Variants in ADD2 observed in about 807,000 individuals in gnomAD.
ADD2 encodes the protein adducin 2.
A neutral mutation model predicts 83.0 loss-of-function variants in ADD2; 23 were observed. The ratio of observed to expected loss-of-function variants is 0.28; its 90% CI spans 0.20 to 0.39. The LOEUF (loss-of-function observed/expected upper bound fraction) is 0.39. Among genes scored for constraint, ADD2 ranks in the 10% least tolerant of loss-of-function variants. The pLI, the probability that ADD2 is intolerant of heterozygous loss-of-function variation, is 1.00. For synonymous variants in ADD2, 375 were observed against 375.4 expected, an observed-to-expected ratio of 1.00 and a Z score of 0.01; for missense variants, 758 against 944.9, an observed-to-expected ratio of 0.80 and a Z score of 2.59.
intron 1 of ADD2, among the ~76,000 whole-genome samples, chr2:70,724,826 C>T (rs1036541541): frequency 6.6e-6 from 1 of 152,206 alleles, no homozygotes; most frequent in East Asian, 1.9e-4. Flanking sequence ...CCAAACTTTA[C>T]ACAGTATTGG....
intron 4 of ADD2, among the ~76,000 whole-genome samples, chr2:70,697,938 T>C (rs1671394139): frequency 6.6e-6 from 1 of 152,148 alleles, no homozygotes; most frequent in South Asian, 2.1e-4. Context: ...CAAACACAGA[T>C]AGCAGGGACA....
At chr2:70,689,004 G>A (rs1481377305) in intron 8 of ADD2, among the ~76,000 whole-genome samples, 1 of 151,984 alleles carries the variant, frequency 6.6e-6, no homozygotes, top group South Asian at 2.1e-4. Context: ...ACTCGGGAGG[G>A]TGAGGTGGGA....
intron 1 of ADD2, among the ~76,000 whole-genome samples, chr2:70,719,857 C>A (rs564742122): frequency 6.6e-6 from 1 of 152,282 alleles, no homozygotes; most frequent in African/African-American, 2.4e-5. Context: ...TGATTCTGCT[C>A]TTTGGCCCAA....
rs11682965 is a variant in ADD2 at position 70,706,527 on chromosome 2, T to G, written c.-34-85A>C. On this transcript the variant is annotated intron_variant, in intron 2 of 15. Coordinates refer to ENST00000264436, the MANE Select transcript of ADD2 (RefSeq NM_001617.4). This position sits in a 1 kb window ranked among gnomAD's most constrained non-coding sequence, Gnocchi z 5.0. Reference sequence around the variant, plus strand: ...TCTCAGAGCACAGGGCTAGGTTCAGTTGGATTCTCAGTGGGGTACGGCTGT... The same window carrying G: ...TCTCAGAGCACAGGGCTAGGTTCAGGTGGATTCTCAGTGGGGTACGGCTGT... The G allele has an allele frequency of 9.4e-6, 12 of 1,272,374 alleles. No homozygotes were observed. In the African/African-American group the frequency reaches 1.6e-4, roughly 17 times the overall value. 78.8% of individuals were successfully genotyped at this position (1,272,374 alleles called of 1,614,324 possible).
In ADD2 at chr2:70,706,250, G is replaced by A. The variant is rs1553374388; in HGVS notation, c.159C>T (p.Arg53=). ...QDFNLMEQKK[R]VTMILQSPSF... ...CGGGACTCTGCAGGATCATGGTGAC[G>A]CGCTTCTTCTGCTCCATCAGGTTGA... Residue 53 remains arginine (R), a synonymous_variant, in exon 3 of 16, where the codon CGC becomes CGT. Transcript: ENST00000264436. The surrounding 1 kb of genome is among the most constrained non-coding windows in gnomAD (Gnocchi z 5.0). The A allele has an allele frequency of 6.2e-7, 1 of 1,614,028 alleles. No homozygotes were observed.
intron 1 of ADD2, among the ~76,000 whole-genome samples, chr2:70,729,999 C>T (rs1553378991): frequency 6.6e-6 from 1 of 152,192 alleles, no homozygotes; most frequent in Non-Finnish European, 1.5e-5. Context: ...CAGATGGTTT[C>T]TCAACTCTGC....
intron 10 of ADD2, among the ~76,000 whole-genome samples, chr2:70,682,355 G>C (rs575193796): frequency 1.7e-4 from 26 of 152,244 alleles, no homozygotes; most frequent in Admixed American, 1.6e-3. Context: ...GCTTTCTTTA[G>C]GCATAGATTA....
At chr2:70,715,586 C>T (rs537860145) in intron 1 of ADD2, among the ~76,000 whole-genome samples, 1 of 152,212 alleles carries the variant, frequency 6.6e-6, no homozygotes, top group Admixed American at 6.5e-5. Flanking sequence ...GGCTGTGAGG[C>T]GGCAGGAGTT....
intron 1 of ADD2, among the ~76,000 whole-genome samples, chr2:70,746,103 C>G (rs1674180184): frequency 1.3e-5 from 2 of 152,072 alleles, no homozygotes; most frequent in African/African-American, 4.8e-5. Context: ...AAATAAAATA[C>G]CTTTTGTGAT....
chr2:70,659,734 G>A lies in ADD2; in HGVS notation c.*3691C>T, dbSNP rs1232987393. The A allele has an allele frequency of 4.6e-5, 7 of 152,162 alleles. No individual in the cohort carries two copies. Among genetic ancestry groups the A allele is most frequent in the African/African-American group, 1.7e-4 (7 of 41,392 alleles). The allele number at this position is 152,162 out of a possible 1,614,324, so 9.4% of individuals were successfully genotyped here. ...CTGCAGTTTGGGAGGAAGGTCACAT[G>A]GTATGGACGGTTCTCTCACACCACT... On this transcript the variant is annotated 3_prime_UTR_variant, in exon 16 of 16. Coordinates refer to ENST00000264436, the MANE Select transcript of ADD2 (RefSeq NM_001617.4).
Position 70,706,587 on chromosome 2 carries a change from G to T in ADD2, c.-34-145C>A. On this transcript the variant is annotated intron_variant, in intron 2 of 15. Transcript: ENST00000264436. The surrounding 1 kb of genome is among the most constrained non-coding windows in gnomAD (Gnocchi z 5.0). ...GGTAGAGGCAGAGCCTGGGGAGGAG[G>T]GCAGGACGCCAGCAGCGGCCCCATA... 1.4e-6 allele frequency: 1 copy of T among 737,630 alleles called. No individual in the cohort carries two copies. Among genetic ancestry groups the T allele is most frequent in the South Asian group, 2.3e-5 (1 of 42,780 alleles). 45.7% of individuals were successfully genotyped at this position (737,630 alleles called of 1,614,324 possible).
intron 14 of ADD2, among the ~76,000 whole-genome samples, chr2:70,674,052 G>A (rs1670019586): frequency 6.6e-6 from 1 of 152,204 alleles, no homozygotes; most frequent in Non-Finnish European, 1.5e-5. Flanking sequence ...TGGTCAGGAA[G>A]CAAAGAGAAG....
Position 70,713,786 on chromosome 2 carries a change from C to T in ADD2, c.-153-602G>A, listed in dbSNP as rs185223800. On this transcript the variant is annotated intron_variant, in intron 1 of 15. Coordinates refer to ENST00000264436, the MANE Select transcript of ADD2 (RefSeq NM_001617.4). ...TGTGGAACTCCTGCACGAGCCCAGA[C>T]GTGGTGGCGAGTTGCTGGGCTGGGA... 6.6e-5 allele frequency among the ~76,000 whole-genome samples: 10 copies of T among 152,174 alleles called. No individual in the cohort carries two copies. The East Asian group carries it at 9.7e-4, about 15-fold the overall frequency.
chr2:70,687,571 TG>T (rs1670802189), intron 9 of ADD2, among the ~76,000 whole-genome samples: 1 of 149,898 alleles, frequency 6.7e-6, no homozygotes, highest in South Asian at 2.1e-4. Context: ...CCCTGGCCTT[TG>T]CAAACCAACC....
At chr2:70,766,837 C>G (rs1312449704) in intron 1 of ADD2, among the ~76,000 whole-genome samples, 8 of 152,308 alleles carry the variant, frequency 5.3e-5, no homozygotes, top group Non-Finnish European at 1.2e-4. Flanking sequence ...AGACGACAAA[C>G]AGCAAGAGGG....
chr2:70,693,657 T>C (rs944118851), intron 6 of ADD2, among the ~76,000 whole-genome samples: 1 of 152,206 alleles, frequency 6.6e-6, no homozygotes, highest in Non-Finnish European at 1.5e-5. Flanking sequence ...CCCTAAAAGC[T>C]GCAGCAACTC....
chr2:70,672,703 T>G (rs1553367313), intron 15 of ADD2, among the ~76,000 whole-genome samples, 175 bp downstream of exon 15: 4 of 152,200 alleles, frequency 2.6e-5, no homozygotes, highest in East Asian at 1.9e-4. Context: ...AGGTGTAGTG[T>G]TATAGCTTGT....
chr2:70,758,213 TCA>T (rs1553384206), intron 1 of ADD2, among the ~76,000 whole-genome samples: 1 of 152,252 alleles, frequency 6.6e-6, no homozygotes, highest in Non-Finnish European at 1.5e-5. Context: ...ATCAAGATTT[TCA>T]CAGATGATGG....
At chr2:70,722,007 T>A (rs1672750203) in intron 1 of ADD2, among the ~76,000 whole-genome samples, 2 of 152,078 alleles carry the variant, frequency 1.3e-5, no homozygotes, top group African/African-American at 2.4e-5. Context: ...AAGGAGGGAA[T>A]GAAAAATAAA....
Sources: gnomAD v4.1 joint callset for allele counts (sites outside exome capture counted in the v4.1 genomes callset) on GRCh38, gnomAD v4.1.1 for gene constraint, Gnocchi (gnomAD v3.1) non-coding constraint, MANE v1.5 for transcripts, NCBI Gene and HGNC (gene_info 2026-07-23, HGNC 2026-07-21) for gene names.